FHIT: variants seen among roughly 807,000 people sequenced by gnomAD.
FHIT encodes fragile histidine triad diadenosine triphosphatase.
In FHIT, 19 loss-of-function variants were observed where a neutral mutation model predicts 17.9. That is an observed-to-expected ratio of 1.06 (90% CI 0.74 to 1.56). FHIT has a LOEUF of 1.56. FHIT is among the 40% of genes most tolerant of loss of function. The pLI is 0.00. For synonymous variants in FHIT, 81 were observed against 69.7 expected (o/e 1.16, Z -0.81); for missense variants, 248 against 189.2 (o/e 1.31, Z -1.82).
intron 8 of FHIT, among the ~76,000 whole-genome samples, chr3:59,803,226 A>G (rs1253083380): frequency 6.6e-6 from 1 of 152,244 alleles, no homozygotes; most frequent in Non-Finnish European, 1.5e-5. Flanking sequence ...TAAAGTCAAG[A>G]GTCTGAGATA....
chr3:60,176,438 A>T (rs983806971), intron 5 of FHIT, among the ~76,000 whole-genome samples: 1 of 152,250 alleles, frequency 6.6e-6, no homozygotes, highest in African/African-American at 2.4e-5. Flanking sequence ...TAAAGAATAT[A>T]GAAATACTCT....
intron 3 of FHIT, among the ~76,000 whole-genome samples, chr3:60,862,379 G>A (rs979228129): frequency 6.6e-6 from 1 of 152,024 alleles, no homozygotes; most frequent in Admixed American, 6.6e-5. Context: ...TGTTGCCCAG[G>A]CTGGTCTCAA....
At chr3:61,089,407 T>C (rs1192049298) in intron 2 of FHIT, among the ~76,000 whole-genome samples, 1 of 152,214 alleles carries the variant, frequency 6.6e-6, no homozygotes, top group African/African-American at 2.4e-5. Context: ...CTTCCTCCAG[T>C]GCCTGGCAGC....
intron 4 of FHIT, among the ~76,000 whole-genome samples, chr3:60,596,972 C>T (rs2038292181): frequency 6.6e-6 from 1 of 152,102 alleles, no homozygotes. Flanking sequence ...GACACCAAAA[C>T]TGAAATTTAT....
chr3:59,973,589 T>C (rs1405902777), intron 7 of FHIT, among the ~76,000 whole-genome samples: 1 of 152,168 alleles, frequency 6.6e-6, no homozygotes, highest in African/African-American at 2.4e-5. Flanking sequence ...ATGTCTTCTT[T>C]ATAGCATAAA....
intron 1 of FHIT, among the ~76,000 whole-genome samples, chr3:61,217,717 C>A (rs910611247): frequency 7.9e-5 from 12 of 152,172 alleles, no homozygotes; most frequent in African/African-American, 2.9e-4. Flanking sequence ...AAAATACAAT[C>A]TGCCACAACA....
intron 5 of FHIT, among the ~76,000 whole-genome samples, chr3:60,131,780 G>C (rs895438082): frequency 6.6e-6 from 1 of 152,052 alleles, no homozygotes; most frequent in Non-Finnish European, 1.5e-5. Flanking sequence ...CTACCTGGTA[G>C]CCTCTGCCCT....
intron 2 of FHIT, among the ~76,000 whole-genome samples, chr3:61,199,462 A>T (rs1459518613): frequency 2.0e-5 from 3 of 152,226 alleles, no homozygotes; most frequent in Non-Finnish European, 1.5e-5. Flanking sequence ...GATGTTCAAC[A>T]ATTATGGCAA....
chr3:60,365,519 TA>T (rs1559856093), intron 5 of FHIT, among the ~76,000 whole-genome samples: 1 of 152,192 alleles, frequency 6.6e-6, no homozygotes, highest in African/African-American at 2.4e-5. Flanking sequence ...AATGACTCAT[TA>T]AAACAACTTT....
intron 3 of FHIT, among the ~76,000 whole-genome samples, chr3:60,923,083 T>C (rs1707369889): frequency 6.6e-6 from 1 of 152,228 alleles, no homozygotes; most frequent in African/African-American, 2.4e-5. Context: ...ACTTAGATGG[T>C]GCTTTTTAGT....
intron 5 of FHIT, among the ~76,000 whole-genome samples, chr3:60,498,323 C>A (rs144888587): frequency 1.3e-5 from 2 of 152,040 alleles, no homozygotes; most frequent in African/African-American, 2.4e-5. Flanking sequence ...TGAAAATGTT[C>A]ATTTGTTACA....
chr3:60,119,122 G>A (rs1248919787), intron 5 of FHIT, among the ~76,000 whole-genome samples: 1 of 151,694 alleles, frequency 6.6e-6, no homozygotes, highest in East Asian at 1.9e-4. Flanking sequence ...CATCCAGGCT[G>A]GAGTGCAATG....
At chr3:59,784,366 T>C (rs510794) in intron 8 of FHIT, among the ~76,000 whole-genome samples, 147,834 of 152,330 alleles carry the variant, frequency 0.97, 71,890 homozygotes, top group East Asian at 1. Context: ...GCAAATCAGA[T>C]GGTGCTAGTC....
At position 59,749,109 on chromosome 3, in the gene FHIT, A is replaced by G. The variant is rs903937278; in HGVS notation, c.*476T>C. 2.6e-5 allele frequency among the ~76,000 whole-genome samples: 4 copies of G among 152,180 alleles called. No homozygotes were observed. Among genetic ancestry groups the G allele is most frequent in the Non-Finnish European group, 2.9e-5 (2 of 68,022 alleles). ...TCTAGCTATGTCCAAATATTTCATA[A>G]TTGCCCTATTTACTAACACATTTCA... On this transcript the variant is annotated 3_prime_UTR_variant, in exon 10 of 10. Transcript: ENST00000492590.
intron 5 of FHIT, among the ~76,000 whole-genome samples, chr3:60,249,640 T>C (rs1168097381): frequency 6.7e-6 from 1 of 148,502 alleles, no homozygotes; most frequent in Non-Finnish European, 1.5e-5. Context: ...AGAACCATGA[T>C]CTGAGAGTCT....
intron 3 of FHIT, among the ~76,000 whole-genome samples, chr3:60,902,199 C>A (rs1553763339): frequency 6.6e-6 from 1 of 152,174 alleles, no homozygotes; most frequent in African/African-American, 2.4e-5. Context: ...CCTCTGGCAA[C>A]TGCTGATTTG....
At chr3:61,184,942 C>T (rs1377620237) in intron 2 of FHIT, among the ~76,000 whole-genome samples, 1 of 152,184 alleles carries the variant, frequency 6.6e-6, no homozygotes, top group Non-Finnish European at 1.5e-5. Context: ...TCCCTACTGA[C>T]ACAGTTGTAT....
intron 1 of FHIT, among the ~76,000 whole-genome samples, chr3:61,204,450 AT>A (rs1321050375): frequency 1.3e-5 from 2 of 152,220 alleles, no homozygotes; most frequent in African/African-American, 4.8e-5. Context: ...AAGAACAGAA[AT>A]TTCCAAATCA....
At chr3:59,927,272 T>G (rs865928791) in intron 7 of FHIT, among the ~76,000 whole-genome samples, 2 of 152,042 alleles carry the variant, frequency 1.3e-5, no homozygotes, top group Middle Eastern at 3.2e-3. Flanking sequence ...AAAGAAAGAT[T>G]TGCGGTTGTG....
Sources: gnomAD v4.1 joint callset for allele counts (sites outside exome capture counted in the v4.1 genomes callset) on GRCh38, gnomAD v4.1.1 for gene constraint, MANE v1.5 for transcripts, NCBI Gene and HGNC (gene_info 2026-07-23, HGNC 2026-07-21) for gene names.